Variants in AHI1 observed in about 807,000 individuals in gnomAD.
The protein encoded by AHI1 is Abelson helper integration site 1, also known as jouberin.
In AHI1, 123 loss-of-function variants were observed where a neutral mutation model predicts 149.3. That is an observed-to-expected ratio of 0.82 (90% CI 0.71 to 0.96). The LOEUF is 0.96. Ranked by LOEUF, AHI1 falls within the 40% of genes least tolerant of loss-of-function variation. AHI1 has a pLI of 0.00. For missense variants in AHI1, 1,439 were observed against 1,422.7 expected (o/e 1.01, Z -0.18); for synonymous variants, 475 against 459.8 (o/e 1.03, Z -0.42).
At chr6:135,298,025 T>C (rs1296860773) in intron 27 of AHI1, among the ~76,000 whole-genome samples, 9 of 152,100 alleles carry the variant, frequency 5.9e-5, no homozygotes, top group African/African-American at 1.9e-4. Context: ...AAGGTTGCTA[T>C]GTTAAAAAAA....
chr6:135,497,102 G>A (rs1435468504), intron 2 of AHI1, 86 bp downstream of exon 2: 2 of 152,104 alleles, frequency 1.3e-5, no homozygotes, highest in Non-Finnish European at 2.9e-5. Flanking sequence ...ATTCTTAAAT[G>A]GTCTACATTT....
intron 27 of AHI1, among the ~76,000 whole-genome samples, chr6:135,300,286 C>T (rs1250772767): frequency 2.1e-5 from 3 of 145,308 alleles, no homozygotes; most frequent in Non-Finnish European, 4.5e-5. Flanking sequence ...GATTGTGCCA[C>T]GGCACTCCAG....
intron 8 of AHI1, among the ~76,000 whole-genome samples, chr6:135,462,492 C>A (rs1405605426): frequency 6.6e-6 from 1 of 150,972 alleles, no homozygotes; most frequent in Non-Finnish European, 1.5e-5. Flanking sequence ...CTTTCAACAA[C>A]TGAGTCCTAA....
intron 15 of AHI1, among the ~76,000 whole-genome samples, chr6:135,436,940 T>C (rs1785498727): frequency 1.3e-5 from 2 of 152,150 alleles, no homozygotes; most frequent in South Asian, 2.1e-4. Flanking sequence ...ACACAATCAA[T>C]AGAGAGAAAG....
At chr6:135,490,554 T>C (rs1011133174) in intron 5 of AHI1, 69 bp downstream of exon 5, 29 of 1,573,872 alleles carry the variant, frequency 1.8e-5, no homozygotes, top group East Asian at 2.2e-5. Flanking sequence ...AATTTTAACA[T>C]AAAATGCAGC....
chr6:135,302,691 C>A, intron 26 of AHI1: 1 of 1,205,932 alleles, frequency 8.3e-7, no homozygotes, highest in Non-Finnish European at 1.0e-6. Flanking sequence ...CAATATTTGA[C>A]TTCCAAACAC....
At chr6:135,391,809 G>C (rs187395909) in intron 23 of AHI1, among the ~76,000 whole-genome samples, 1 of 152,164 alleles carries the variant, frequency 6.6e-6, no homozygotes, top group Non-Finnish European at 1.5e-5. Flanking sequence ...TACTGCAATG[G>C]GATTTTGCAG....
chr6:135,408,034 C>CAA (rs745308071), intron 21 of AHI1, among the ~76,000 whole-genome samples: 2 of 133,194 alleles, frequency 1.5e-5, no homozygotes, highest in Non-Finnish European at 1.6e-5. Flanking sequence ...GATTCCGTCT[C>CAA]AAAAAAAAAA....
At chr6:135,345,911 A>G (rs1791122315) in intron 24 of AHI1, among the ~76,000 whole-genome samples, 1 of 152,242 alleles carries the variant, frequency 6.6e-6, no homozygotes, top group Admixed American at 6.5e-5. Flanking sequence ...AGTGCAAGAA[A>G]AAATACACGT....
intron 14 of AHI1, among the ~76,000 whole-genome samples, chr6:135,439,740 A>C (rs1392485889): frequency 1.3e-5 from 2 of 152,258 alleles, no homozygotes; most frequent in East Asian, 1.9e-4. Flanking sequence ...AAAAGATATA[A>C]ATCTGTGGGT....
intron 20 of AHI1, among the ~76,000 whole-genome samples, chr6:135,412,261 A>ATGAT (rs1179173991): frequency 6.6e-6 from 1 of 152,238 alleles, no homozygotes; most frequent in African/African-American, 2.4e-5. Context: ...TAATCTACAG[A>ATGAT]TGATTCCAAG....
chr6:135,294,182 T>C (rs1197683001), intron 27 of AHI1, among the ~76,000 whole-genome samples: 1 of 151,848 alleles, frequency 6.6e-6, no homozygotes, highest in Non-Finnish European at 1.5e-5. Flanking sequence ...ATAAATTAGC[T>C]GGGTGTGGTG....
At chr6:135,292,127 CACACACATACACAA>C (rs1311588585) in intron 27 of AHI1, among the ~76,000 whole-genome samples, 2 of 151,962 alleles carry the variant, frequency 1.3e-5, no homozygotes, top group Non-Finnish European at 2.9e-5. Context: ...CACACACACA[CACACACATACACAA>C]ACACACACAC....
chr6:135,426,125 T>C (rs999621254), intron 20 of AHI1, among the ~76,000 whole-genome samples: 2 of 151,738 alleles, frequency 1.3e-5, no homozygotes, highest in African/African-American at 2.4e-5. Flanking sequence ...GATTTGGACA[T>C]TGAATGATTT....
chr6:135,496,854 C>G (rs1796033117), intron 2 of AHI1, among the ~76,000 whole-genome samples: 1 of 152,234 alleles, frequency 6.6e-6, no homozygotes, highest in African/African-American at 2.4e-5. Flanking sequence ...AAACAAGATT[C>G]TAGGTATGGT....
intron 21 of AHI1, among the ~76,000 whole-genome samples, chr6:135,409,030 A>C (rs1781206161): frequency 6.6e-6 from 1 of 152,096 alleles, no homozygotes; most frequent in African/African-American, 2.4e-5. Context: ...ATGAGTAGTG[A>C]GATAGAACTT....
intron 26 of AHI1, chr6:135,301,781 C>T (rs1783910197): frequency 1.5e-5 from 15 of 985,296 alleles, no homozygotes; most frequent in African/African-American, 3.5e-5. Flanking sequence ...TGCTCTGACT[C>T]AGTTAAAACG....
intron 24 of AHI1, among the ~76,000 whole-genome samples, chr6:135,324,186 G>A (rs959046365): frequency 1.3e-5 from 2 of 152,144 alleles, no homozygotes; most frequent in Admixed American, 6.5e-5. Flanking sequence ...AAATTAGTTG[G>A]CTGTGGTAGT....
chr6:135,462,699 G>C (rs959227034), intron 8 of AHI1, among the ~76,000 whole-genome samples: 1 of 152,066 alleles, frequency 6.6e-6, no homozygotes, highest in African/African-American at 2.4e-5. Flanking sequence ...TCATGAGTTC[G>C]AGACCAGCTT....
Sources: allele counts gnomAD v4.1 joint callset (sites outside exome capture counted in the v4.1 genomes callset), GRCh38; gene constraint gnomAD v4.1.1; transcripts MANE v1.5; gene names NCBI Gene and HGNC (gene_info 2026-07-23, HGNC 2026-07-21).